Variants in CACNA2D1 observed in about 807,000 individuals in gnomAD.
CACNA2D1 encodes the protein calcium voltage-gated channel auxiliary subunit alpha2delta 1.
A neutral mutation model predicts 171.5 loss-of-function variants in CACNA2D1; 53 were observed. That is an observed-to-expected ratio of 0.31 (90% confidence interval 0.25 to 0.39). The LOEUF (loss-of-function observed/expected upper bound fraction) is 0.39. CACNA2D1 is among the 10% of genes least tolerant of loss of function. CACNA2D1 has a pLI of 1.00. For missense variants in CACNA2D1, 903 were observed against 1,299.8 expected (o/e 0.69, Z 4.69); for synonymous variants, 442 against 443.1 (o/e 1.00, Z 0.03).
intron 3 of CACNA2D1, among the ~76,000 whole-genome samples, chr7:82,190,432 G>C (rs1585050798): frequency 6.6e-6 from 1 of 151,832 alleles, no homozygotes; most frequent in East Asian, 1.9e-4. Flanking sequence ...ATCAATCAAA[G>C]ATGCAGAATA....
At chr7:82,181,871 A>G (rs1797172094) in intron 3 of CACNA2D1, among the ~76,000 whole-genome samples, 1 of 152,196 alleles carries the variant, frequency 6.6e-6, no homozygotes, top group Non-Finnish European at 1.5e-5. Flanking sequence ...GAAAAATGAT[A>G]TTTGCTTTTT....
At chr7:82,115,173 T>G (rs1788900337) in intron 6 of CACNA2D1, among the ~76,000 whole-genome samples, 2 of 152,198 alleles carry the variant, frequency 1.3e-5, no homozygotes, top group Non-Finnish European at 2.9e-5. Flanking sequence ...CCCAGCCAGT[T>G]TTTCTTCCAA....
chr7:82,126,899 G>T (rs2129063918), intron 5 of CACNA2D1, among the ~76,000 whole-genome samples: 1 of 152,236 alleles, frequency 6.6e-6, no homozygotes, highest in East Asian at 1.9e-4. Flanking sequence ...AATATTCTTT[G>T]TCTCAGGGGC....
At chr7:82,365,948 T>C (rs768940382) in intron 1 of CACNA2D1, among the ~76,000 whole-genome samples, 5 of 152,198 alleles carry the variant, frequency 3.3e-5, no homozygotes, top group Non-Finnish European at 5.9e-5. Context: ...TGTTGTTCTC[T>C]ATCATTCTGA....
intron 1 of CACNA2D1, among the ~76,000 whole-genome samples, chr7:82,433,269 A>T (rs1381305926): frequency 1.3e-5 from 2 of 152,200 alleles, no homozygotes; most frequent in African/African-American, 2.4e-5. Context: ...AAAGAAGTAA[A>T]TGAAAAATAA....
intron 1 of CACNA2D1, among the ~76,000 whole-genome samples, chr7:82,382,012 C>T (rs1823765737): frequency 6.6e-6 from 1 of 152,062 alleles, no homozygotes; most frequent in South Asian, 2.1e-4. Flanking sequence ...TACCCACTGA[C>T]ATATGAGACT....
At chr7:81,968,775 TTTTG>T (rs1381274056) in intron 29 of CACNA2D1, 108 bp downstream of exon 29, 10 of 718,820 alleles carry the variant, frequency 1.4e-5, no homozygotes, top group East Asian at 1.0e-4. Context: ...CATGCCTTTA[TTTTG>T]TTTGACACCT....
chr7:82,189,208 A>G (rs7779847), intron 3 of CACNA2D1, among the ~76,000 whole-genome samples: 110,348 of 151,870 alleles, frequency 0.73, 42,447 homozygotes, highest in Non-Finnish European at 0.86. Context: ...GAAGCAACCA[A>G]TGTCAACACT....
chr7:82,422,773 T>G (rs544048069), intron 1 of CACNA2D1, among the ~76,000 whole-genome samples: 4 of 152,238 alleles, frequency 2.6e-5, no homozygotes, highest in Admixed American at 1.3e-4. Flanking sequence ...TTGATATAAT[T>G]TATGCCTTGG....
rs920246189 is a variant in CACNA2D1 at position 81,949,337 on chromosome 7, T to G, written c.*1055A>C. 5.3e-5 allele frequency: 8 copies of G among 152,138 alleles called. No homozygotes were observed. In the South Asian group the frequency reaches 1.2e-3, roughly 24 times the overall value. The allele number at this position is 152,138 out of a possible 1,614,324, so 9.4% of individuals were successfully genotyped here. ...TCAGCATTTACATTGCACAGTATATTCAGAGTAGTTTAACAACATTTTAAA... is the reference window on the plus strand; with the variant it reads ...TCAGCATTTACATTGCACAGTATATGCAGAGTAGTTTAACAACATTTTAAA... On this transcript the variant is annotated 3_prime_UTR_variant, in exon 39 of 39. Transcript: ENST00000356860.
chr7:82,117,857 T>A (rs1262349419), intron 5 of CACNA2D1, among the ~76,000 whole-genome samples: 2 of 152,104 alleles, frequency 1.3e-5, no homozygotes, highest in African/African-American at 4.8e-5. Flanking sequence ...ACAACCTAAC[T>A]AATATTATCC....
At chr7:82,232,001 T>A (rs1456092256) in intron 3 of CACNA2D1, among the ~76,000 whole-genome samples, 2 of 152,186 alleles carry the variant, frequency 1.3e-5, no homozygotes, top group Non-Finnish European at 1.5e-5. Context: ...CATTCTATTT[T>A]ATTACTCTGT....
At chr7:82,314,202 T>C (rs527544119) in intron 3 of CACNA2D1, among the ~76,000 whole-genome samples, 2 of 152,206 alleles carry the variant, frequency 1.3e-5, no homozygotes, top group Non-Finnish European at 2.9e-5. Context: ...GATTTAATTT[T>C]TTTCTGTATT....
In CACNA2D1 at chr7:82,258,696, C is replaced by A. The variant is rs527803517; in HGVS notation, c.294+76439G>T. ...TCTGTCTTCAAAAGACGATGTTCTC[C>A]CTTTTTGGTCAATAATCACTTATCT... is the stretch of plus-strand genomic sequence containing the variant. On this transcript the variant is annotated intron_variant, in intron 3 of 38. Coordinates refer to ENST00000356860, the MANE Select transcript of CACNA2D1 (RefSeq NM_000722.4). Among the ~76,000 whole-genome samples the A allele has an allele frequency of 4.6e-5, 7 of 152,126 alleles. No homozygotes were observed. In the East Asian group the frequency reaches 7.7e-4, roughly 17 times the overall value.
chr7:82,263,953 G>A (rs1376790149), intron 3 of CACNA2D1, among the ~76,000 whole-genome samples: 1 of 151,184 alleles, frequency 6.6e-6, no homozygotes, highest in African/African-American at 2.4e-5. Flanking sequence ...TTTTTCCTCT[G>A]AAAATTTGGA....
At position 82,073,720 on chromosome 7, in the gene CACNA2D1, C is replaced by T. The variant is rs149015998; in HGVS notation, c.659-7196G>A. ...GGTTCAAGTGATTCTCCTGCCTCAG[C>T]CTACCGAGTAGCTGGGATTACAGGT... On this transcript the variant is annotated intron_variant, in intron 7 of 38. Transcript: ENST00000356860. Among the ~76,000 whole-genome samples, 944 of 152,210 alleles carry T rather than the reference C, an allele frequency of 6.2e-3. 8 individuals carry two copies. The highest frequency in any genetic ancestry group is 0.021 in the African/African-American group (892 of 41,528).
At chr7:81,957,087 A>C (rs576483401) in intron 38 of CACNA2D1, among the ~76,000 whole-genome samples, 3 of 152,282 alleles carry the variant, frequency 2.0e-5, no homozygotes, top group African/African-American at 7.2e-5. Flanking sequence ...AAAAATCTGA[A>C]AGGAATTGAA....
At chr7:82,092,662 G>T (rs1811335224) in intron 6 of CACNA2D1, among the ~76,000 whole-genome samples, 1 of 150,564 alleles carries the variant, frequency 6.6e-6, no homozygotes, top group Admixed American at 6.6e-5. Context: ...CAAAGTGCTG[G>T]GATTACAGGT....
intron 1 of CACNA2D1, among the ~76,000 whole-genome samples, chr7:82,374,576 T>A (rs1822789976): frequency 6.6e-6 from 1 of 152,044 alleles, no homozygotes; most frequent in Non-Finnish European, 1.5e-5. Context: ...GTGGCCACAA[T>A]CAGTACTAGA....
Sources: gnomAD v4.1 joint callset for allele counts (sites outside exome capture counted in the v4.1 genomes callset) on GRCh38, gnomAD v4.1.1 for gene constraint, MANE v1.5 for transcripts, NCBI Gene and HGNC (gene_info 2026-07-23, HGNC 2026-07-21) for gene names.